Variants in AMOTL2 observed in about 807,000 individuals in gnomAD.
The protein encoded by AMOTL2 is angiomotin like 2, also known as angiomotin-like protein 2.
AMOTL2 carries 33 observed loss-of-function variants against 78.4 expected under a neutral mutation model. The ratio of observed to expected loss-of-function variants is 0.42; its 90% CI spans 0.32 to 0.56. The LOEUF is 0.56. AMOTL2 is among the 20% of genes least tolerant of loss of function. The probability of loss-of-function intolerance (pLI) is 0.12; values close to 1 mark genes in which losing one functional copy is unlikely to be tolerated. For synonymous variants in AMOTL2, 422 were observed against 428.8 expected (o/e 0.98, Z 0.20); for missense variants, 983 against 1,030.1 (o/e 0.95, Z 0.63).
chr3:134,371,469 G>C lies in AMOTL2; in HGVS notation c.-36C>G, dbSNP rs537452298. The C allele has an allele frequency of 6.3e-7, 1 of 1,591,694 alleles. No homozygotes were observed. The highest frequency in any genetic ancestry group is 2.2e-5 in the East Asian group (1 of 44,606). ...CTTGCACACAGCTGCCTGGACAATGGCCGGTGGCACCTGGCCCCAGAGCAC... is the reference window on the plus strand; with the variant it reads ...CTTGCACACAGCTGCCTGGACAATGCCCGGTGGCACCTGGCCCCAGAGCAC... On this transcript the variant is annotated 5_prime_UTR_variant, in exon 2 of 10. Transcript: ENST00000249883.
rs780228246 is a variant in AMOTL2 at position 134,370,921 on chromosome 3, G to A, written c.513C>T (p.Gly171=). The A allele has an allele frequency of 3.8e-5, 61 of 1,611,844 alleles. No individual in the cohort carries two copies. Among genetic ancestry groups the A allele is most frequent in the East Asian group, 8.9e-5 (4 of 44,862 alleles). The change falls in exon 2 of 10, where the codon GGC becomes GGT. Residue 171 remains glycine (G), a synonymous_variant. Coordinates refer to ENST00000249883, the MANE Select transcript of AMOTL2 (RefSeq NM_016201.4). ...AGCTCATGTGGCTGGGGGCCCGGGCGCCGTTCCTCTCCAGGGACAACTGAA... is the reference window on the plus strand; with the variant it reads ...AGCTCATGTGGCTGGGGGCCCGGGCACCGTTCCTCTCCAGGGACAACTGAA... The part of the protein sequence containing the change: ...RLLQLSLERN[G]ARAPSHMSSS...
intron 6 of AMOTL2, 103 bp downstream of exon 6, chr3:134,361,409 C>G: frequency 7.4e-7 from 1 of 1,350,570 alleles, no homozygotes. Context: ...TAAGCAGGGG[C>G]TCCCGGGGCC....
At chr3:134,367,314 AGCTGTCTG>A (rs1201019047) in intron 3 of AMOTL2, among the ~76,000 whole-genome samples, 175 bp downstream of exon 3, 1 of 152,138 alleles carries the variant, frequency 6.6e-6, no homozygotes, top group East Asian at 1.9e-4. Context: ...GCTGTTCCCC[AGCTGTCTG>A]GAGTCAGCTC....
chr3:134,359,193 C>T, intron 8 of AMOTL2, 90 bp downstream of exon 8: 1 of 1,441,490 alleles, frequency 6.9e-7, no homozygotes, highest in Non-Finnish European at 9.7e-7. Context: ...GCTCCTATAG[C>T]CTCAGTTCTG....
chr3:134,361,293 G>A (rs1051331199), intron 6 of AMOTL2, among the ~76,000 whole-genome samples: 1 of 152,232 alleles, frequency 6.6e-6, no homozygotes, highest in African/African-American at 2.4e-5. Context: ...ACATGGGCCA[G>A]GTGGCAGGGC....
chr3:134,357,792 G>A (rs1489620098), intron 9 of AMOTL2, 29 bp from the exon 10 acceptor site: 2 of 1,603,342 alleles, frequency 1.2e-6, no homozygotes, highest in Non-Finnish European at 1.7e-6. Context: ...ACAGGCACAT[G>A]CCAATGAGTG....
Position 134,359,334 on chromosome 3 carries a change from G to C in AMOTL2, c.2053C>G (p.Leu685Val), listed in dbSNP as rs2017232723. 1 of 1,614,104 alleles carries C rather than the reference G, an allele frequency of 6.2e-7. No homozygotes were observed. ...GCTGTTTGTCGCTCACTAGAAGAGA[G>C]CCCTTGCCAGCCCTGGGTTCCTGCT... ...AAAGTQGWQGLSSSERQTADA... is the reference protein window; with the variant it reads ...AAAGTQGWQGVSSSERQTADA... Residue 685 changes from leucine (L) to valine (V), a missense_variant, in exon 8 of 10, where the codon CTC becomes GTC. Physicochemically the swap from Leu to Val is conservative, Grantham distance 32. Transcript: ENST00000249883.
At chr3:134,360,006 T>C (rs1002790856) in intron 7 of AMOTL2, 100 bp downstream of exon 7, 16 of 1,312,070 alleles carry the variant, frequency 1.2e-5, no homozygotes, top group African/African-American at 5.9e-5. Flanking sequence ...CTGAGCTCTA[T>C]GGGGAAAGGG....
chr3:134,374,390 C>T lies in AMOTL2; in HGVS notation c.-110G>A. ...CGCAGTCAGACACCACAACCTCCGG[C>T]TCGGCCCAGCTCAGCTCGGCGGCGA... On this transcript the variant is annotated 5_prime_UTR_variant, in exon 1 of 10. Coordinates refer to ENST00000249883, the MANE Select transcript of AMOTL2 (RefSeq NM_016201.4). The T allele has an allele frequency of 1.0e-6, 1 of 985,390 alleles. No individual in the cohort carries two copies. Among genetic ancestry groups the T allele is most frequent in the Middle Eastern group, 5.2e-4 (1 of 1,912 alleles). The allele number at this position is 985,390 out of a possible 1,614,324, so 61.0% of individuals were successfully genotyped here.
At chr3:134,374,192 C>T in intron 1 of AMOTL2, 150 bp downstream of exon 1, 2 of 973,956 alleles carry the variant, frequency 2.1e-6, no homozygotes, top group Non-Finnish European at 2.4e-6. Context: ...ACTGCGGCTG[C>T]CTCGAAAGGG....
chr3:134,365,841 T>C lies in AMOTL2; in HGVS notation c.1255A>G (p.Met419Val), dbSNP rs1439862947. 4 of 1,614,198 alleles carry C rather than the reference T, an allele frequency of 2.5e-6. No individual in the cohort carries two copies. The highest frequency in any genetic ancestry group is 1.7e-6 in the Non-Finnish European group (2 of 1,180,030). The change falls in exon 5 of 10, where the codon ATG becomes GTG. Residue 419 changes from methionine to valine, a missense_variant. By Grantham distance (21) the Met-to-Val change is conservative (BLOSUM62 1). Coordinates refer to ENST00000249883, the MANE Select transcript of AMOTL2 (RefSeq NM_016201.4). ...CTCTGAGCAAGCAGCTTGGCCACCA[T>C]GTCCTGACTGCCGGCCTGGGCCTCC... Reference protein sequence around the residue: ...TQEAQAGSQDMVAKLLAQSYE... With the variant: ...TQEAQAGSQDVVAKLLAQSYE...
At chr3:134,367,992 A>C in intron 2 of AMOTL2, 189 bp from the exon 3 acceptor site, 1 of 526,646 alleles carries the variant, frequency 1.9e-6, no homozygotes, top group South Asian at 3.2e-5. Context: ...CCAGTAGGGA[A>C]GGCCTTTTCC....
At chr3:134,360,586 C>T (rs900366396) in intron 6 of AMOTL2, among the ~76,000 whole-genome samples, 173 bp from the exon 7 acceptor site, 1 of 152,162 alleles carries the variant, frequency 6.6e-6, no homozygotes, top group African/African-American at 2.4e-5. Flanking sequence ...GTCCCCATAC[C>T]CCTGCCCTGA....
In AMOTL2 at chr3:134,359,384, A is replaced by G. The variant is rs1310611653; in HGVS notation, c.2003T>C (p.Val668Ala). The G allele has an allele frequency of 6.2e-7, 1 of 1,614,218 alleles. No individual in the cohort carries two copies. Among genetic ancestry groups the G allele is most frequent in the Admixed American group, 1.7e-5 (1 of 60,036 alleles). The part of the protein sequence containing the change: ...IQGSLRPAKS[V>A]PSVFAAAAAG... ...TGCCGCAGCCGCGAAAACAGATGGC[A>G]CCGACTTGGCAGGCCGCAGGGAGCC... Residue 668 changes from valine to alanine, a missense_variant, in exon 8 of 10, where the codon GTG becomes GCG. Transcript: ENST00000249883.
intron 2 of AMOTL2, among the ~76,000 whole-genome samples, chr3:134,369,592 G>A (rs1482759147): frequency 6.6e-6 from 1 of 152,218 alleles, no homozygotes; most frequent in Non-Finnish European, 1.5e-5. Flanking sequence ...GAAAAACTAT[G>A]AGGCTCCAAC....
upstream of AMOTL2, chr3:134,375,179 C>T: frequency 1.3e-6 from 2 of 1,534,880 alleles, no homozygotes; most frequent in African/African-American, 1.4e-5. Flanking sequence ...GTCAATTTGA[C>T]CCACCTACCC....
chr3:134,366,024 A>G (rs2017589129), intron 4 of AMOTL2, 115 bp from the exon 5 acceptor site: 2 of 1,193,050 alleles, frequency 1.7e-6, no homozygotes, highest in East Asian at 4.7e-5. Context: ...TGGGTTCATA[A>G]GGAAACCCCA....
chr3:134,373,060 C>T (rs1308338407), intron 1 of AMOTL2, among the ~76,000 whole-genome samples: 1 of 152,138 alleles, frequency 6.6e-6, no homozygotes, highest in African/African-American at 2.4e-5. Flanking sequence ...TTCCCTCTCC[C>T]CACCCCAGTA....
chr3:134,355,526 G>A lies in AMOTL2; in HGVS notation c.*2179C>T, dbSNP rs1309220720. 1.3e-5 allele frequency among the ~76,000 whole-genome samples: 2 copies of A among 152,278 alleles called. No individual in the cohort carries two copies. Among genetic ancestry groups the A allele is most frequent in the South Asian group, 2.1e-4 (1 of 4,810 alleles). On this transcript the variant is annotated 3_prime_UTR_variant, in exon 10 of 10. Coordinates refer to ENST00000249883, the MANE Select transcript of AMOTL2 (RefSeq NM_016201.4). ...CGGACAAAACTTTATGTGCTAGGTG[G>A]GAGTGGGAAAAGGAGTGGGGGAAGG...
Sources: gnomAD v4.1 joint callset for allele counts (sites outside exome capture counted in the v4.1 genomes callset) on GRCh38, gnomAD v4.1.1 for gene constraint, MANE v1.5 for transcripts, NCBI Gene and HGNC (gene_info 2026-07-23, HGNC 2026-07-21) for gene names.